CDKL5: variants seen among roughly 807,000 people sequenced by gnomAD.
CDKL5 encodes the protein cyclin dependent kinase like 5.
A neutral mutation model predicts 61.7 loss-of-function variants in CDKL5; 8 were observed. That is an observed-to-expected ratio of 0.13 (90% confidence interval 0.08 to 0.23). The LOEUF (loss-of-function observed/expected upper bound fraction) is 0.23, where lower values mean the gene tolerates loss of function less well. Ranked by LOEUF, CDKL5 falls within the 10% of genes least tolerant of loss-of-function variation. The pLI is 1.00. For missense variants in CDKL5, 440 were observed against 734.5 expected, an observed-to-expected ratio of 0.60 and a Z score of 4.63; for synonymous variants, 275 against 272.3, an observed-to-expected ratio of 1.01 and a Z score of -0.10.
intron 1 of CDKL5, among the ~76,000 whole-genome samples, chrX:18,425,915 TC>T (rs1224975305): frequency 5.4e-5 from 6 of 111,600 alleles, no homozygotes; most frequent in Non-Finnish European, 5.7e-5. Context: ...TGGAAGGGCT[TC>T]CCCCGAGGGG....
At position 18,527,764 on chromosome X, in the gene CDKL5, G is replaced by C. The variant is rs182286078; in HGVS notation, c.99+16910G>C. On this transcript the variant is annotated intron_variant, in intron 3 of 17. Coordinates refer to ENST00000623535, the MANE Select transcript of CDKL5 (RefSeq NM_001323289.2). The stretch of plus-strand genomic sequence containing the variant: ...CTTCTCCGTGTTTTAGGCTTAAGTT[G>C]CCCTTCTTTCTTTTCTTTCCTAAGG... Among the ~76,000 whole-genome samples the C allele has an allele frequency of 2.7e-3, 302 of 111,101 alleles. 1 individual carries two copies. Among genetic ancestry groups the C allele is most frequent in the African/African-American group, 9.4e-3 (287 of 30,647 alleles).
chrX:18,563,255 G>C (rs143714169), intron 3 of CDKL5, among the ~76,000 whole-genome samples: 203 of 111,841 alleles, frequency 1.8e-3, no homozygotes, highest in African/African-American at 5.8e-3. Flanking sequence ...ATTTGAAAAG[G>C]AGCAGGGTAA....
intron 3 of CDKL5, among the ~76,000 whole-genome samples, chrX:18,537,489 A>G (rs1923884846): frequency 8.9e-6 from 1 of 111,934 alleles, no homozygotes; most frequent in African/African-American, 3.3e-5. Flanking sequence ...ATGTATTTCC[A>G]TTGACCTTAT....
At chrX:18,643,356 C>T (rs746718509), downstream of CDKL5, among the ~76,000 whole-genome samples, 12 of 111,339 alleles carry the variant, frequency 1.1e-4, no homozygotes, top group Non-Finnish European at 2.1e-4. Flanking sequence ...TGCCTTTCTC[C>T]GCAGTGGCAC....
intron 7 of CDKL5, 100 bp downstream of exon 7, chrX:18,582,050 G>C: frequency 1.6e-6 from 1 of 644,536 alleles, no homozygotes; most frequent in Non-Finnish European, 2.5e-6. Context: ...GTTATGTTTT[G>C]ACTTAAATTG....
At chrX:18,517,099 C>T (rs909298994) in intron 3 of CDKL5, among the ~76,000 whole-genome samples, 1 of 111,919 alleles carries the variant, frequency 8.9e-6, no homozygotes, top group Admixed American at 9.5e-5. Context: ...CCTTTATCCT[C>T]ATCATCCGAA....
Position 18,633,708 on chromosome X carries a change from TC to T in CDKL5, c.*4952del, listed in dbSNP as rs1927298264. The T allele has an allele frequency of 1.3e-6, 1 of 752,439 alleles. No homozygotes were observed. The highest frequency in any genetic ancestry group is 1.6e-6 in the Non-Finnish European group (1 of 638,941). The allele number at this position is 752,439 out of a possible 1,213,427, so 62.0% of individuals were successfully genotyped here. The stretch of plus-strand genomic sequence containing the variant: ...TGCCCCCTTCGATTCTTTTTTTTTT[TC>T]TTTGTGAATTGAATGTACGATACAA... On this transcript the variant is annotated 3_prime_UTR_variant, in exon 18 of 18. Transcript: ENST00000623535.
chrX:18,635,192 G>A lies in CDKL5; in HGVS notation c.*6435G>A, dbSNP rs979152220. 1.6e-4 allele frequency: 115 copies of A among 741,231 alleles called. No individual in the cohort carries two copies. The Middle Eastern group carries it at 2.3e-3, about 15-fold the overall frequency. The allele number at this position is 741,231 out of a possible 1,213,427, so 61.1% of individuals were successfully genotyped here. A position where few individuals can be genotyped will look rare whatever the true frequency, so the allele number is the denominator to read the frequency against. On this transcript the variant is annotated 3_prime_UTR_variant, in exon 18 of 18. Coordinates refer to ENST00000623535, the MANE Select transcript of CDKL5 (RefSeq NM_001323289.2). ...CTATAACTCTTTGTATCATGTGTTG[G>A]TACATCTTATCAAGTTTTTTCTGGC... is the stretch of plus-strand genomic sequence containing the variant.
intron 3 of CDKL5, among the ~76,000 whole-genome samples, chrX:18,520,740 T>G (rs1346480341): frequency 9.0e-6 from 1 of 111,693 alleles, no homozygotes; most frequent in Non-Finnish European, 1.9e-5. Context: ...AACTCTTGTT[T>G]CCTCCTCCTT....
At chrX:18,651,283 GAGAGACAGAGAGACAC>G (rs1928035360) in intron 21 of CDKL5, among the ~76,000 whole-genome samples, 1 of 108,671 alleles carries the variant, frequency 9.2e-6, no homozygotes, top group Non-Finnish European at 1.9e-5. Context: ...GAGAGAGAGA[GAGAGACAGAGAGACAC>G]AGAGAGAGAC....
At chrX:18,456,519 T>C (rs1190749943) in intron 1 of CDKL5, among the ~76,000 whole-genome samples, 2 of 112,471 alleles carry the variant, frequency 1.8e-5, no homozygotes, top group African/African-American at 3.2e-5. Flanking sequence ...TCTACAGAGT[T>C]CTGAGCTTAA....
chrX:18,456,102 G>A (rs1049757581), intron 1 of CDKL5, among the ~76,000 whole-genome samples: 37 of 106,532 alleles, frequency 3.5e-4, no homozygotes, highest in African/African-American at 1.2e-3. Context: ...AGGCTGGAGT[G>A]TGGTGGTGCT....
At chrX:18,479,610 C>T (rs1037452835) in intron 1 of CDKL5, among the ~76,000 whole-genome samples, 18 of 110,933 alleles carry the variant, frequency 1.6e-4, no homozygotes, top group Non-Finnish European at 2.3e-4. Context: ...TGAGCCACCA[C>T]GCCCGGCCAG....
chrX:18,447,001 A>G (rs1367999095), intron 1 of CDKL5, among the ~76,000 whole-genome samples: 1 of 111,307 alleles, frequency 9.0e-6, no homozygotes, highest in Non-Finnish European at 1.9e-5. Flanking sequence ...TTTTCTCATC[A>G]GTTATTCCCC....
At chrX:18,430,856 A>T (rs1381065473) in intron 1 of CDKL5, among the ~76,000 whole-genome samples, 1 of 108,427 alleles carries the variant, frequency 9.2e-6, no homozygotes, top group Non-Finnish European at 1.9e-5. Flanking sequence ...TTACATTTTT[A>T]ATTTTTTTTT....
intron 10 of CDKL5, among the ~76,000 whole-genome samples, chrX:18,597,519 T>G (rs1406709230): frequency 9.0e-6 from 1 of 110,564 alleles, no homozygotes; most frequent in African/African-American, 3.3e-5. Context: ...TTATGAAACT[T>G]TTAAAAAAAT....
rs751803214 is a variant in CDKL5, at chrX:18,631,119, C to G, written c.*2362C>G. 1 of 750,023 alleles carries G rather than the reference C, an allele frequency of 1.3e-6. No homozygotes were observed. The highest frequency in any genetic ancestry group is 6.9e-5 in the South Asian group (1 of 14,529). 61.8% of individuals were successfully genotyped at this position (750,023 alleles called of 1,213,427 possible). ...TCCCATGTTGTCATCCTTGCTAACA[C>G]TGGGATCTCAGATGTTTGCAGAACA... On this transcript the variant is annotated 3_prime_UTR_variant, in exon 18 of 18. Transcript: ENST00000623535.
At chrX:18,457,180 C>T (rs1278207458) in intron 1 of CDKL5, among the ~76,000 whole-genome samples, 1 of 110,877 alleles carries the variant, frequency 9.0e-6, no homozygotes, top group Non-Finnish European at 1.9e-5. Flanking sequence ...GTGCATAGTA[C>T]TAGAGTTCTT....
chrX:18,579,512 C>T (rs1397065120), intron 5 of CDKL5, among the ~76,000 whole-genome samples: 2 of 111,030 alleles, frequency 1.8e-5, no homozygotes, highest in African/African-American at 6.5e-5. Flanking sequence ...AAGGCTCTTT[C>T]CCCCCTTTAT....
Sources: gnomAD v4.1 joint callset for allele counts (sites outside exome capture counted in the v4.1 genomes callset) on GRCh38, gnomAD v4.1.1 for gene constraint, MANE v1.5 for transcripts, NCBI Gene and HGNC (gene_info 2026-07-23, HGNC 2026-07-21) for gene names.